Variants in PSMD1 observed in about 807,000 individuals in gnomAD.
PSMD1 encodes the protein 26S proteasome non-ATPase regulatory subunit 1.
Under a neutral mutation model 119.0 loss-of-function variants are expected in PSMD1, and 18 were observed. That is an observed-to-expected ratio of 0.15 (90% confidence interval 0.10 to 0.22). The LOEUF is 0.22. PSMD1 is among the 10% of genes least tolerant of loss of function. The pLI, the probability that PSMD1 is intolerant of heterozygous loss-of-function variation, is 1.00. For missense variants in PSMD1, 702 were observed against 1,158.5 expected (o/e 0.61, Z 5.72); for synonymous variants, 374 against 396.6 (o/e 0.94, Z 0.68).
chr2:231,129,843 A>G (rs1329418068), intron 16 of PSMD1, among the ~76,000 whole-genome samples: 1 of 151,928 alleles, frequency 6.6e-6, no homozygotes, highest in Non-Finnish European at 1.5e-5. Context: ...TTTGTTTTTT[A>G]CCTGTAATGG....
In PSMD1 at chr2:231,161,332, T is replaced by G; in HGVS notation, c.2219-8T>G. 6.3e-7 allele frequency: 1 copy of G among 1,595,004 alleles called. No individual in the cohort carries two copies. The highest frequency in any genetic ancestry group is 8.6e-7 in the Non-Finnish European group (1 of 1,168,308). ...ATTATTGTTCATGGTTTCTCTCTTT[T>G]TCTACAGGTGGTCATAATGTCACAA... On this transcript the variant is annotated splice_region_variant and splice_polypyrimidine_tract_variant and intron_variant, in intron 19 of 24. Transcript: ENST00000308696.
intron 16 of PSMD1, among the ~76,000 whole-genome samples, chr2:231,090,692 A>G (rs1206167791): frequency 1.3e-5 from 2 of 152,260 alleles, no homozygotes; most frequent in African/African-American, 2.4e-5. Flanking sequence ...TTCATGATTC[A>G]CAGGAGGAAG....
intron 16 of PSMD1, among the ~76,000 whole-genome samples, chr2:231,136,595 A>G (rs1013286472): frequency 1.3e-5 from 2 of 152,190 alleles, no homozygotes; most frequent in East Asian, 1.9e-4. Flanking sequence ...TAAAATGCAA[A>G]TTGCTAAACC....
In PSMD1 at chr2:231,165,200, G is replaced by A; in HGVS notation, c.2482G>A (p.Val828Ile). The A allele has an allele frequency of 6.2e-7, 1 of 1,600,886 alleles. No homozygotes were observed. The highest frequency in any genetic ancestry group is 8.5e-7 in the Non-Finnish European group (1 of 1,172,540). Residue 828 changes from valine (V) to isoleucine (I), a missense_variant and splice_region_variant, in exon 22 of 25, where the codon GTT becomes ATT. This residue lies in a region of PSMD1 where 152 missense variants were observed against 239.3 expected (regional missense o/e 0.64). Coordinates refer to ENST00000308696, the MANE Select transcript of PSMD1 (RefSeq NM_002807.4). ...CAGTTTACCCTGCTCATTTCCCCAGGTTTCTACTGCTGTATTATCTATAAC... is the reference window on the plus strand; with the variant it reads ...CAGTTTACCCTGCTCATTTCCCCAGATTTCTACTGCTGTATTATCTATAAC... The part of the protein sequence containing the change: ...EVPKEKEKEK[V>I]STAVLSITAK...
chr2:231,110,356 T>C (rs1388419691), intron 16 of PSMD1, among the ~76,000 whole-genome samples: 4 of 152,192 alleles, frequency 2.6e-5, no homozygotes, highest in Non-Finnish European at 5.9e-5. Flanking sequence ...GAAAGAAATA[T>C]ACCTCATGTT....
Position 231,130,076 on chromosome 2 carries a change from C to T in PSMD1, c.1884-8660C>T, listed in dbSNP as rs1001073758. On this transcript the variant is annotated intron_variant, in intron 16 of 24. Transcript: ENST00000308696. ...CTGTGTTGGCCAGGCTGGTCTCAAACTCCTGACCTCAGGTGAGCCACCACA... is the reference window on the plus strand; with the variant it reads ...CTGTGTTGGCCAGGCTGGTCTCAAATTCCTGACCTCAGGTGAGCCACCACA... 1.2e-4 allele frequency among the ~76,000 whole-genome samples: 19 copies of T among 152,130 alleles called. 1 individual carries two copies. The highest frequency in any genetic ancestry group is 8.8e-5 in the Non-Finnish European group (6 of 68,024).
intron 17 of PSMD1, 125 bp from the exon 18 acceptor site, chr2:231,146,115 G>A (rs1696246098): frequency 6.3e-6 from 4 of 632,146 alleles, no homozygotes; most frequent in Non-Finnish European, 2.8e-6. Flanking sequence ...CATTATAATG[G>A]GACTACCATC....
At chr2:231,152,856 A>G (rs1212697671) in intron 18 of PSMD1, among the ~76,000 whole-genome samples, 1 of 152,232 alleles carries the variant, frequency 6.6e-6, no homozygotes, top group Non-Finnish European at 1.5e-5. Context: ...ATTGTCACCC[A>G]AACAGATTTA....
intron 16 of PSMD1, among the ~76,000 whole-genome samples, chr2:231,126,739 A>G (rs1195306002): frequency 2.0e-5 from 3 of 152,110 alleles, no homozygotes; most frequent in African/African-American, 7.2e-5. Context: ...CTCAACTTAT[A>G]AAAAGTAAGA....
intron 16 of PSMD1, among the ~76,000 whole-genome samples, chr2:231,091,661 G>T (rs1005353016): frequency 3.3e-5 from 5 of 152,104 alleles, no homozygotes; most frequent in African/African-American, 1.2e-4. Context: ...CAGGAGTGGG[G>T]GTCTATCCAG....
intron 16 of PSMD1, among the ~76,000 whole-genome samples, chr2:231,116,420 ACT>A (rs976079212): frequency 2.0e-5 from 3 of 151,906 alleles, no homozygotes; most frequent in Admixed American, 6.6e-5. Context: ...TGAAGTCCTT[ACT>A]CTCTCTGTAA....
In PSMD1 at chr2:231,138,758, G is replaced by C; in HGVS notation, c.1906G>C (p.Val636Leu). Reference protein sequence around the residue: ...LFRTPEQCPSVVSLLSESYNP... With the variant: ...LFRTPEQCPSLVSLLSESYNP... ...CAGAACCCCTGAACAGTGCCCAAGT[G>C]TTGTCTCTTTGTTGTCAGAGAGTTA... The change falls in exon 17 of 25, where the codon GTT becomes CTT. Residue 636 changes from valine to leucine, a missense_variant. Transcript: ENST00000308696. The C allele has an allele frequency of 6.2e-7, 1 of 1,614,078 alleles. No homozygotes were observed. Among genetic ancestry groups the C allele is most frequent in the South Asian group, 1.1e-5 (1 of 91,076 alleles).
At chr2:231,067,260 A>G (rs1693932170) in intron 5 of PSMD1, 149 bp downstream of exon 5, 2 of 621,364 alleles carry the variant, frequency 3.2e-6, no homozygotes, top group East Asian at 5.8e-5. Flanking sequence ...TTTCATATTT[A>G]TGTATGAACC....
At chr2:231,092,480 C>T (rs1694619399) in intron 16 of PSMD1, among the ~76,000 whole-genome samples, 1 of 152,212 alleles carries the variant, frequency 6.6e-6, no homozygotes, top group East Asian at 1.9e-4. Context: ...ATGTCCCATA[C>T]CAGGTGTAAA....
At position 231,096,192 on chromosome 2, in the gene PSMD1, A is replaced by G. The variant is rs187967302; in HGVS notation, c.1883+9011A>G. On this transcript the variant is annotated intron_variant, in intron 16 of 24. Transcript: ENST00000308696. ...CCTTGTTGATCTTGCATTACCAGGC[A>G]GGCTAAGAGCTCCCCTTCTAATGCT... Among the ~76,000 whole-genome samples the G allele has an allele frequency of 3.0e-3, 454 of 152,356 alleles. 2 individuals carry two copies. Among genetic ancestry groups the G allele is most frequent in the African/African-American group, 0.01 (436 of 41,584 alleles).
At chr2:231,150,911 C>T (rs1696363477) in intron 18 of PSMD1, among the ~76,000 whole-genome samples, 1 of 152,134 alleles carries the variant, frequency 6.6e-6, no homozygotes, top group Non-Finnish European at 1.5e-5. Context: ...TAAGTACCAA[C>T]AGAAACAACG....
chr2:231,118,572 GGTTTGGGTATTTTTTT>G (rs1452718335), intron 16 of PSMD1, among the ~76,000 whole-genome samples: 6 of 152,148 alleles, frequency 3.9e-5, no homozygotes, highest in African/African-American at 1.2e-4. Context: ...GTTTTTTGTT[GGTTTGGGTATTTTTTT>G]GTTTGTTTTT....
chr2:231,140,510 A>G (rs1342562834), intron 17 of PSMD1, among the ~76,000 whole-genome samples: 1 of 151,738 alleles, frequency 6.6e-6, no homozygotes, highest in East Asian at 1.9e-4. Context: ...AAAAAAAAAA[A>G]AAAAAGAGTG....
intron 16 of PSMD1, chr2:231,109,333 T>C: frequency 6.2e-7 from 1 of 1,614,100 alleles, no homozygotes; most frequent in Non-Finnish European, 8.5e-7. Context: ...AACGTTCCTT[T>C]GTCAGCACAC....
Sources: gnomAD v4.1 joint callset for allele counts (sites outside exome capture counted in the v4.1 genomes callset) on GRCh38, gnomAD v4.1.1 for gene constraint, gnomAD v4.1.1 regional missense constraint, MANE v1.5 for transcripts, NCBI Gene and HGNC (gene_info 2026-07-23, HGNC 2026-07-21) for gene names.